RSF1: variants seen among roughly 807,000 people sequenced by gnomAD.
RSF1 encodes the protein HBV pX-associated protein 8.
A neutral mutation model predicts 145.2 loss-of-function variants in RSF1; 13 were observed. The ratio of observed to expected loss-of-function variants is 0.09; its 90% CI spans 0.06 to 0.14. The LOEUF (loss-of-function observed/expected upper bound fraction) is 0.14, where lower values mean the gene tolerates loss of function less well. Ranked by LOEUF, RSF1 falls within the 10% of genes least tolerant of loss-of-function variation. The pLI is 1.00. For missense variants in RSF1, 1,517 were observed against 1,718.2 expected (o/e 0.88, Z 2.07); for synonymous variants, 577 against 592.6 (o/e 0.97, Z 0.38).
rs999621552 is a variant in RSF1 at position 77,675,346 on chromosome 11, G to A, written c.3342-90C>T. 3 of 949,782 alleles carry A rather than the reference G, an allele frequency of 3.2e-6. No homozygotes were observed. The African/African-American group carries it at 4.9e-5, about 16-fold the overall frequency. The allele number at this position is 949,782 out of a possible 1,614,324, so 58.8% of individuals were successfully genotyped here. ...CTGAGTTCAAATTCTGGTGAGCCCA[G>A]TGAATCATTAAGTATAGTGCAACAT... On this transcript the variant is annotated intron_variant, in intron 13 of 15. Coordinates refer to ENST00000308488, the MANE Select transcript of RSF1 (RefSeq NM_016578.4).
rs1178846090 is a variant in RSF1, at chr11:77,701,752, C to T, written c.1477G>A (p.Val493Ile). Residue 493 changes from valine (V) to isoleucine (I), a missense_variant, in exon 6 of 16, where the codon GTC (valine) becomes ATC (isoleucine). By Grantham distance (29) the Val-to-Ile change is conservative (BLOSUM62 3). Around this residue, in one of 12 missense-constraint regions of RSF1, gnomAD observed 579 missense variants for 553.5 expected, o/e 1.05. Coordinates refer to ENST00000308488, the MANE Select transcript of RSF1 (RefSeq NM_016578.4). ...TCACCTGTTTTCATACTTGTTATGA[C>T]AGAATTTAAGGACTCTGTTCCATTT... is the stretch of plus-strand genomic sequence containing the variant. ...EGNGTESLNS[V>I]ITSMKTGELE... is the part of the protein sequence containing the mutation. 6 of 1,613,684 alleles carry T rather than the reference C, an allele frequency of 3.7e-6. No homozygotes were observed. Among genetic ancestry groups the T allele is most frequent in the South Asian group, 1.1e-5 (1 of 91,048 alleles).
intron 5 of RSF1, among the ~76,000 whole-genome samples, chr11:77,723,271 C>A (rs1046532866): frequency 2.0e-5 from 3 of 152,124 alleles, no homozygotes; most frequent in African/African-American, 4.8e-5. Context: ...GCCTGGGCAA[C>A]AGAGCAAGAT....
the RSF1 span, among the ~76,000 whole-genome samples, chr11:77,865,370 G>GT: frequency 6.6e-6 from 1 of 152,282 alleles, no homozygotes; most frequent in Non-Finnish European, 1.5e-5. Flanking sequence ...AGGGGCCTAG[G>GT]TTTTTTCTTT....
rs151055861 is a variant in RSF1 at position 77,675,249 on chromosome 11, C to T, written c.3349G>A (p.Asp1117Asn). The change falls in exon 14 of 16, where the codon GAT becomes AAT. Residue 1117 changes from aspartate (D) to asparagine (N), a missense_variant. Transcript: ENST00000308488. Reference protein sequence around the residue: ...DEFKISDGSQDEFVVSDENPD... With the variant: ...DEFKISDGSQNEFVVSDENPD... ...TTTTCATCAGACACAACAAACTCAT[C>T]TTGAGATCTGTCCAAGAGAAATCAG... is the stretch of plus-strand genomic sequence containing the variant. 96 of 1,611,402 alleles carry T rather than the reference C, an allele frequency of 6.0e-5. No homozygotes were observed. The highest frequency in any genetic ancestry group is 7.6e-5 in the Non-Finnish European group (90 of 1,179,284).
At chr11:77,857,068 T>C in the RSF1 span, among the ~76,000 whole-genome samples, 1 of 152,340 alleles carries the variant, frequency 6.6e-6, no homozygotes, top group African/African-American at 2.4e-5. Context: ...GCATATATCA[T>C]CACCCAACAT....
intron 15 of RSF1, among the ~76,000 whole-genome samples, chr11:77,671,059 T>A (rs1169597337): frequency 7.5e-4 from 90 of 120,392 alleles, no homozygotes; most frequent in Non-Finnish European, 1.6e-5. Flanking sequence ...TGAGCCAAGA[T>A]CACACCACTG....
chr11:77,837,975 A>T, the RSF1 span, among the ~76,000 whole-genome samples: 4 of 152,206 alleles, frequency 2.6e-5, no homozygotes, highest in African/African-American at 4.8e-5. Flanking sequence ...AACTAGCCTG[A>T]GGTGGGAAGA....
rs533326761 is a variant in RSF1 at position 77,672,525 on chromosome 11, T to C, written c.3563-295A>G. Among the ~76,000 whole-genome samples the C allele has an allele frequency of 2.0e-5, 3 of 151,794 alleles. No homozygotes were observed. In the East Asian group the frequency reaches 5.8e-4, roughly 29 times the overall value. ...TCACAGGCATATGCACTACCACTCCTGGCTACCTACCAAAGTGTTGAGATT... is the reference window on the plus strand; with the variant it reads ...TCACAGGCATATGCACTACCACTCCCGGCTACCTACCAAAGTGTTGAGATT... On this transcript the variant is annotated intron_variant, in intron 14 of 15. Transcript: ENST00000308488.
At chr11:77,694,927 C>A (rs142456799) in intron 7 of RSF1, among the ~76,000 whole-genome samples, 13 of 152,240 alleles carry the variant, frequency 8.5e-5, no homozygotes, top group African/African-American at 3.1e-4. Flanking sequence ...CATGATTAGA[C>A]TGGGGTTCTG....
At chr11:77,823,068 G>C (rs11237306), upstream of RSF1, among the ~76,000 whole-genome samples, 43 of 151,978 alleles carry the variant, frequency 2.8e-4, no homozygotes, top group African/African-American at 1.0e-3. Context: ...CAAAAAATTA[G>C]CCGGGCGTGG....
chr11:77,800,832 A>C (rs1210711150), intron 1 of RSF1, among the ~76,000 whole-genome samples: 2 of 152,194 alleles, frequency 1.3e-5, no homozygotes, highest in Non-Finnish European at 2.9e-5. Flanking sequence ...ACTGCACTCC[A>C]GCTTGGGCTA....
chr11:77,691,269 T>A (rs1960143439), intron 8 of RSF1, 31 bp from the exon 9 acceptor site: 3 of 1,594,408 alleles, frequency 1.9e-6, no homozygotes, highest in East Asian at 4.5e-5. Flanking sequence ...AAAGTCATTT[T>A]AAACAACTTT....
intron 1 of RSF1, among the ~76,000 whole-genome samples, chr11:77,774,939 TG>T (rs1948326991): frequency 6.6e-6 from 1 of 151,180 alleles, no homozygotes; most frequent in African/African-American, 2.4e-5. Flanking sequence ...TATAATTTTT[TG>T]TATTTTTAGT....
chr11:77,717,753 G>A (rs1031487294), intron 5 of RSF1: 4 of 151,988 alleles, frequency 2.6e-5, no homozygotes, highest in Non-Finnish European at 2.9e-5. Context: ...CCTAGATAAC[G>A]ATACAGGGAA....
At chr11:77,674,161 T>C (rs1178662001) in intron 14 of RSF1, among the ~76,000 whole-genome samples, 4 of 152,154 alleles carry the variant, frequency 2.6e-5, no homozygotes, top group Non-Finnish European at 5.9e-5. Context: ...AGGGGCATGA[T>C]ATTATCATCA....
chr11:77,712,505 G>A (rs1960711567), intron 5 of RSF1, among the ~76,000 whole-genome samples: 1 of 152,108 alleles, frequency 6.6e-6, no homozygotes, highest in Admixed American at 6.6e-5. Context: ...GATGTCAACT[G>A]GTTATTTCAC....
At chr11:77,784,363 C>T (rs1423990122) in intron 1 of RSF1, among the ~76,000 whole-genome samples, 2 of 151,492 alleles carry the variant, frequency 1.3e-5, no homozygotes, top group African/African-American at 4.9e-5. Context: ...TCTTATCTTT[C>T]ATTTCTTTCA....
At chr11:77,834,778 G>A in the RSF1 span, among the ~76,000 whole-genome samples, 302 of 152,228 alleles carry the variant, frequency 2.0e-3, 1 homozygote, top group Non-Finnish European at 3.5e-3. Context: ...ACTTGCAGAA[G>A]AATGTTTCTA....
rs892960855 is a variant in RSF1 at position 77,683,815 on chromosome 11, G to A, written c.2960C>T (p.Pro987Leu). 1 of 1,607,820 alleles carries A rather than the reference G, an allele frequency of 6.2e-7. No homozygotes were observed. The highest frequency in any genetic ancestry group is 1.3e-5 in the African/African-American group (1 of 74,602). ...SIENIIPPQEPDFSEDQEEKK... is the reference protein window; with the variant it reads ...SIENIIPPQELDFSEDQEEKK... ...TTCTTCTTGATCTTCAGAAAAGTCTGGCTCCTTAAAAAATATGATAATAAG... is the reference window on the plus strand; with the variant it reads ...TTCTTCTTGATCTTCAGAAAAGTCTAGCTCCTTAAAAAATATGATAATAAG... Residue 987 changes from proline to leucine, a missense_variant, in exon 11 of 16, where the codon CCA (proline) becomes CTA (leucine). Physicochemically the swap from Pro to Leu is moderately conservative, Grantham distance 98. Around this residue, in one of 12 missense-constraint regions of RSF1, gnomAD observed 231 missense variants for 276.6 expected, o/e 0.84. Coordinates refer to ENST00000308488, the MANE Select transcript of RSF1 (RefSeq NM_016578.4).
Sources: gnomAD v4.1 joint callset for allele counts (sites outside exome capture counted in the v4.1 genomes callset) on GRCh38, gnomAD v4.1.1 for gene constraint, gnomAD v4.1.1 regional missense constraint, MANE v1.5 for transcripts, NCBI Gene and HGNC (gene_info 2026-07-23, HGNC 2026-07-21) for gene names.